TAFA4: variants seen among roughly 807,000 people sequenced by gnomAD.
TAFA4 encodes TAFA chemokine like family member 4.
TAFA4 carries 20 observed loss-of-function variants against 21.1 expected under a neutral mutation model. The ratio of observed to expected loss-of-function variants is 0.95; its 90% CI spans 0.67 to 1.38. The LOEUF (loss-of-function observed/expected upper bound fraction) is 1.38, where lower values mean the gene tolerates loss of function less well. Among genes scored for constraint, TAFA4 ranks in the 40% most tolerant of loss-of-function variants. TAFA4 has a pLI of 0.00. For missense variants in TAFA4, 211 were observed against 180.9 expected, an observed-to-expected ratio of 1.17 and a Z score of -0.95; for synonymous variants, 71 against 67.4, an observed-to-expected ratio of 1.05 and a Z score of -0.26.
rs139515776 is a variant in TAFA4 at position 68,762,726 on chromosome 3, A to G, written c.131-9708T>C. On this transcript the variant is annotated intron_variant, in intron 3 of 5. Transcript: ENST00000295569. ...GATGCAAATATTACAAAAGATGAAG[A>G]ATCTCATGAAGTCAATAAAAGTGAT... Among the ~76,000 whole-genome samples the G allele has an allele frequency of 8.5e-5, 13 of 152,330 alleles. 1 individual carries two copies. The East Asian group carries it at 2.5e-3, about 29-fold the overall frequency.
chr3:68,732,191 C>T lies in TAFA4; in HGVS notation c.*951G>A, dbSNP rs185571675. 1 of 152,558 alleles carries T rather than the reference C, an allele frequency of 6.6e-6. No homozygotes were observed. The highest frequency in any genetic ancestry group is 6.5e-5 in the Admixed American group (1 of 15,272). The allele number at this position is 152,558 out of a possible 1,614,324, so 9.5% of individuals were successfully genotyped here. On this transcript the variant is annotated 3_prime_UTR_variant, in exon 6 of 6. Coordinates refer to ENST00000295569, the MANE Select transcript of TAFA4 (RefSeq NM_182522.5). ...GAAATAAGATGGCTAACACAGAAGTCACAGAAGTAGGGAAACAGCTAAGTT... is the reference window on the plus strand; with the variant it reads ...GAAATAAGATGGCTAACACAGAAGTTACAGAAGTAGGGAAACAGCTAAGTT...
Position 68,885,200 on chromosome 3 carries a change from C to G in TAFA4, c.-12G>C. ...CTTGGGGACCTCATAAGATGTGGTT[C>G]TAGTCAAACACACTTATTCCAGGAT... On this transcript the variant is annotated 5_prime_UTR_variant, in exon 2 of 6. An upstream open reading frame in the 5' UTR loses its in-frame stop. Transcript: ENST00000295569. 6.2e-7 allele frequency: 1 copy of G among 1,612,028 alleles called. No individual in the cohort carries two copies. Among genetic ancestry groups the G allele is most frequent in the Non-Finnish European group, 8.5e-7 (1 of 1,178,868 alleles).
intron 1 of TAFA4, among the ~76,000 whole-genome samples, chr3:68,921,228 A>C (rs1302733748): frequency 6.6e-6 from 1 of 152,154 alleles, no homozygotes; most frequent in Non-Finnish European, 1.5e-5. Flanking sequence ...CTGGAGACGA[A>C]GGAGGTTAAA....
intron 1 of TAFA4, among the ~76,000 whole-genome samples, chr3:68,931,522 G>A (rs993436646): frequency 6.6e-6 from 1 of 152,200 alleles, no homozygotes; most frequent in East Asian, 1.9e-4. Context: ...AGCTCCTTGC[G>A]TAGGGTCAAG....
chr3:68,837,639 G>A (rs1361209794), intron 3 of TAFA4, among the ~76,000 whole-genome samples: 1 of 152,074 alleles, frequency 6.6e-6, no homozygotes, highest in Non-Finnish European at 1.5e-5. Flanking sequence ...ATACCCAAAG[G>A]AAATTCAAAC....
At chr3:68,881,399 T>A (rs2089616596) in intron 2 of TAFA4, among the ~76,000 whole-genome samples, 1 of 152,192 alleles carries the variant, frequency 6.6e-6, no homozygotes, top group Non-Finnish European at 1.5e-5. Context: ...TTTAACTTCG[T>A]ATGATGGACA....
At chr3:68,832,874 C>A (rs922924888) in intron 3 of TAFA4, among the ~76,000 whole-genome samples, 3 of 152,152 alleles carry the variant, frequency 2.0e-5, no homozygotes, top group African/African-American at 7.2e-5. Flanking sequence ...TTTGTTTACT[C>A]TGTGAACATA....
At chr3:68,830,033 A>T (rs1486409337) in intron 3 of TAFA4, among the ~76,000 whole-genome samples, 1 of 152,158 alleles carries the variant, frequency 6.6e-6, no homozygotes, top group Non-Finnish European at 1.5e-5. Flanking sequence ...CAGTGGTGAT[A>T]TCCCTTTTTT....
intron 5 of TAFA4, 125 bp from the exon 6 acceptor site, chr3:68,733,278 C>T (rs909239965): frequency 1.0e-4 from 124 of 1,205,612 alleles, no homozygotes; most frequent in African/African-American, 2.4e-4. Flanking sequence ...TACCTATAAC[C>T]GACCTCACCA....
At chr3:68,833,568 C>T (rs747421040) in intron 3 of TAFA4, among the ~76,000 whole-genome samples, 1 of 152,076 alleles carries the variant, frequency 6.6e-6, no homozygotes, top group Non-Finnish European at 1.5e-5. Context: ...GTAAGAAAAA[C>T]AAGTTTTTCT....
intron 3 of TAFA4, among the ~76,000 whole-genome samples, chr3:68,767,774 A>G (rs1702884390): frequency 6.6e-6 from 1 of 152,048 alleles, no homozygotes; most frequent in South Asian, 2.1e-4. Flanking sequence ...CCTTATATGT[A>G]TACATACAAA....
At chr3:68,860,338 C>T (rs1441558504) in intron 3 of TAFA4, among the ~76,000 whole-genome samples, 6 of 152,008 alleles carry the variant, frequency 3.9e-5, no homozygotes, top group Admixed American at 1.3e-4. Context: ...AGGTTTTCAC[C>T]TATAAAACAT....
chr3:68,868,709 C>T (rs1471147867), intron 3 of TAFA4, among the ~76,000 whole-genome samples: 10 of 151,736 alleles, frequency 6.6e-5, no homozygotes, highest in Admixed American at 3.9e-4. Flanking sequence ...AAAATGTAAA[C>T]AAACATCCCA....
intron 1 of TAFA4, among the ~76,000 whole-genome samples, chr3:68,917,477 G>A (rs992995006): frequency 4.6e-5 from 7 of 152,028 alleles, no homozygotes; most frequent in South Asian, 2.1e-4. Flanking sequence ...AGGAACGACC[G>A]GGCATGGTGG....
At chr3:68,917,753 CAAAAA>C (rs55853026) in intron 1 of TAFA4, among the ~76,000 whole-genome samples, 1 of 58,188 alleles carries the variant, frequency 1.7e-5, no homozygotes. Flanking sequence ...GACTCTGTCT[CAAAAA>C]AAAAAAAAAA....
Position 68,797,396 on chromosome 3 carries a change from G to A in TAFA4, c.131-44378C>T, listed in dbSNP as rs150580139. Among the ~76,000 whole-genome samples, 477 of 152,084 alleles carry A rather than the reference G, an allele frequency of 3.1e-3. 2 individuals are homozygous for A. The highest frequency in any genetic ancestry group is 5.0e-3 in the Non-Finnish European group (338 of 67,984). On this transcript the variant is annotated intron_variant, in intron 3 of 5. Transcript: ENST00000295569. ...TGGGAGGCTGAGGTGGGTGGATCAC[G>A]AGGTCAGGAGAACGAGACCATCCTG...
chr3:68,814,153 G>A (rs543058927), intron 3 of TAFA4, among the ~76,000 whole-genome samples: 15 of 152,168 alleles, frequency 9.9e-5, no homozygotes, highest in Non-Finnish European at 2.1e-4. Flanking sequence ...ATTAGGTATT[G>A]ATGGGATGTA....
At chr3:68,771,426 G>C (rs7624916) in intron 3 of TAFA4, among the ~76,000 whole-genome samples, 2,124 of 152,314 alleles carry the variant, frequency 0.014, 49 homozygotes, top group African/African-American at 0.048. Flanking sequence ...CATGGCCTCT[G>C]TATCTGCCCA....
At chr3:68,922,242 G>C (rs1200598392) in intron 1 of TAFA4, among the ~76,000 whole-genome samples, 1 of 152,154 alleles carries the variant, frequency 6.6e-6, no homozygotes, top group Admixed American at 6.5e-5. Flanking sequence ...GAGCCTCCTG[G>C]AAACAGAAAT....
Sources: gnomAD v4.1 joint callset for allele counts (sites outside exome capture counted in the v4.1 genomes callset) on GRCh38, gnomAD v4.1.1 for gene constraint, MANE v1.5 for transcripts, NCBI Gene and HGNC (gene_info 2026-07-23, HGNC 2026-07-21) for gene names.